GGT1: variants seen among roughly 807,000 people sequenced by gnomAD.
GGT1 encodes the protein gamma-glutamyltransferase 1, also known as glutathione hydrolase 1 proenzyme.
Under a neutral mutation model 56.0 loss-of-function variants are expected in GGT1, and 21 were observed. The ratio of observed to expected loss-of-function variants is 0.38; its 90% CI spans 0.27 to 0.54. GGT1 has a LOEUF of 0.54. Among genes scored for constraint, GGT1 ranks in the 20% least tolerant of loss-of-function variants. The pLI, the probability that GGT1 is intolerant of heterozygous loss-of-function variation, is 0.82. For synonymous variants in GGT1, 238 were observed against 342.6 expected (o/e 0.69, Z 3.37); for missense variants, 466 against 787.0 (o/e 0.59, Z 4.88).
chr22:24,585,842 G>C, the GGT1 span: 1 of 1,503,860 alleles, frequency 6.6e-7, no homozygotes, highest in Non-Finnish European at 8.9e-7. Flanking sequence ...TCATGTGCTT[G>C]AGAGCATCAC....
chr22:24,588,211 T>C, the GGT1 span: 1 of 1,610,042 alleles, frequency 6.2e-7, no homozygotes, highest in Non-Finnish European at 8.5e-7. Flanking sequence ...GGGCTACCCT[T>C]ACCAGCTCTG....
chr22:24,627,099 A>C (rs2047836159), intron 11 of GGT1: 1 of 627,828 alleles, frequency 1.6e-6, no homozygotes, highest in East Asian at 4.1e-5. Flanking sequence ...GCAGGACCTA[A>C]GTGTCTGTTC....
chr22:24,598,706 A>T (rs1321303106), upstream of GGT1, among the ~76,000 whole-genome samples: 1 of 152,132 alleles, frequency 6.6e-6, no homozygotes, highest in Non-Finnish European at 1.5e-5. Flanking sequence ...GGCATGTGCC[A>T]CTATGCCCAG....
chr22:24,584,685 C>G, the GGT1 span, among the ~76,000 whole-genome samples: 36 of 152,192 alleles, frequency 2.4e-4, 1 homozygote, highest in South Asian at 6.0e-3. Flanking sequence ...TTGGAGCCCC[C>G]CTCTGCTGCT....
chr22:24,587,421 A>G, the GGT1 span, among the ~76,000 whole-genome samples: 1 of 152,198 alleles, frequency 6.6e-6, no homozygotes, highest in East Asian at 1.9e-4. Context: ...TGGGGGACTG[A>G]CAGCAGTGAG....
upstream of GGT1, chr22:24,603,119 C>A (rs1236047180): frequency 9.3e-6 from 1 of 108,002 alleles, no homozygotes; most frequent in East Asian, 2.2e-4. Flanking sequence ...TAAAGCCTCC[C>A]CTCCCCCCGC....
intron 7 of GGT1, among the ~76,000 whole-genome samples, chr22:24,619,744 A>C (rs2047294773): frequency 1.3e-5 from 2 of 151,792 alleles, no homozygotes; most frequent in South Asian, 4.2e-4. Flanking sequence ...GACCTCGGTC[A>C]AGGTGGGATC....
chr22:24,591,450 A>T (rs2045564457), upstream of GGT1, among the ~76,000 whole-genome samples: 2 of 152,192 alleles, frequency 1.3e-5, no homozygotes, highest in Admixed American at 1.3e-4. Flanking sequence ...TCTAGACCCC[A>T]TGTGGGCCTT....
chr22:24,626,786 G>A (rs2047809730), intron 11 of GGT1, among the ~76,000 whole-genome samples: 1 of 151,300 alleles, frequency 6.6e-6, no homozygotes, highest in African/African-American at 2.4e-5. Context: ...GCATGGCACA[G>A]AGCAAAAGCC....
At chr22:24,587,061 C>A in the GGT1 span, among the ~76,000 whole-genome samples, 1 of 152,216 alleles carries the variant, frequency 6.6e-6, no homozygotes, top group Non-Finnish European at 1.5e-5. Flanking sequence ...TGGCCACACA[C>A]CACTAAGCGG....
At chr22:24,605,206 T>TTATATATTATATAATATGTAA (rs2046019627) in intron 1 of GGT1, among the ~76,000 whole-genome samples, 1 of 4,594 alleles carries the variant, frequency 2.2e-4, no homozygotes, top group Non-Finnish European at 3.8e-4. Context: ...ATAATATGTA[T>TTATATATTATATAATATGTAA]TATATTATAT....
intron 5 of GGT1, 130 bp from the exon 6 acceptor site, chr22:24,614,646 A>G (rs533551751): frequency 1.3e-5 from 11 of 832,922 alleles, no homozygotes; most frequent in East Asian, 1.0e-4. Flanking sequence ...GAAAGAAACT[A>G]AAAACAAAAA....
intron 2 of GGT1, among the ~76,000 whole-genome samples, chr22:24,608,245 G>A (rs2046443570): frequency 6.6e-6 from 1 of 152,196 alleles, no homozygotes; most frequent in South Asian, 2.1e-4. Flanking sequence ...CCGATCCGGG[G>A]ACATCTGCCT....
chr22:24,608,266 G>T (rs1283990459), intron 2 of GGT1, among the ~76,000 whole-genome samples: 1 of 152,216 alleles, frequency 6.6e-6, no homozygotes, highest in Non-Finnish European at 1.5e-5. Flanking sequence ...GTGGGAGGCT[G>T]GGCCCACCCT....
At chr22:24,615,354 C>T (rs1335465105) in intron 7 of GGT1, among the ~76,000 whole-genome samples, 1 of 152,188 alleles carries the variant, frequency 6.6e-6, no homozygotes, top group Non-Finnish European at 1.5e-5. Context: ...CGGGGCCACT[C>T]TGTGCAGCAC....
At chr22:24,585,170 G>A in the GGT1 span, among the ~76,000 whole-genome samples, 2 of 152,136 alleles carry the variant, frequency 1.3e-5, no homozygotes, top group Non-Finnish European at 1.5e-5. Flanking sequence ...AGGGTGGCAA[G>A]CAGCACTGTA....
the GGT1 span, chr22:24,588,171 T>C: frequency 9.5e-6 from 14 of 1,475,714 alleles, no homozygotes; most frequent in Non-Finnish European, 1.1e-5. Context: ...AGAAGGGACC[T>C]TGGAGCAGCA....
At position 24,628,435 on chromosome 22, in the gene GGT1, G is replaced by A. The variant is rs1014258610; in HGVS notation, c.1563+47G>A. 27 of 1,607,518 alleles carry A rather than the reference G, an allele frequency of 1.7e-5. No individual in the cohort carries two copies. The highest frequency in any genetic ancestry group is 2.2e-4 in the Middle Eastern group (1 of 4,452). ...CTGAGTCAAGGTGTGGGGCCCCAGG[G>A]CATCCTGGGCTGGAGGCCTGGATCA... On this transcript the variant is annotated intron_variant, in intron 15 of 15. Transcript: ENST00000400382. The surrounding 1 kb of genome is among the most constrained non-coding windows in gnomAD (Gnocchi z 5.7).
chr22:24,625,750 C>T (rs906282057), intron 11 of GGT1, among the ~76,000 whole-genome samples: 1 of 151,410 alleles, frequency 6.6e-6, no homozygotes, highest in Non-Finnish European at 1.5e-5. Flanking sequence ...ACCGTGATCG[C>T]GATCTCCTGA....
Sources: allele counts gnomAD v4.1 joint callset (sites outside exome capture counted in the v4.1 genomes callset), GRCh38; gene constraint gnomAD v4.1.1; non-coding constraint Gnocchi (gnomAD v3.1); transcripts MANE v1.5; gene names NCBI Gene and HGNC (gene_info 2026-07-23, HGNC 2026-07-21).